Variants in SCAF8 observed in about 807,000 individuals in gnomAD.
The protein encoded by SCAF8 is SR-related CTD associated factor 8.
Under a neutral mutation model 140.5 loss-of-function variants are expected in SCAF8, and 23 were observed. The ratio of observed to expected loss-of-function variants is 0.16; its 90% CI spans 0.12 to 0.23. SCAF8 has a LOEUF of 0.23. Among genes scored for constraint, SCAF8 ranks in the 10% least tolerant of loss-of-function variants. SCAF8 has a pLI of 1.00. For missense variants in SCAF8, 1,397 were observed against 1,555.7 expected (o/e 0.90, Z 1.72); for synonymous variants, 575 against 528.9 (o/e 1.09, Z -1.20).
At chr6:154,794,286 A>AT (rs905817103) in intron 5 of SCAF8, among the ~76,000 whole-genome samples, 3 of 152,104 alleles carry the variant, frequency 2.0e-5, no homozygotes, top group African/African-American at 7.2e-5. Context: ...TGAAGATTGT[A>AT]TTTTGAATAT....
chr6:154,814,545 G>C (rs1322180807), intron 12 of SCAF8, among the ~76,000 whole-genome samples: 3 of 152,106 alleles, frequency 2.0e-5, no homozygotes, highest in Non-Finnish European at 4.4e-5. Flanking sequence ...AAAAGCCTAG[G>C]GCACTCAGTA....
At chr6:154,797,546 C>T (rs1777641862) in intron 6 of SCAF8, among the ~76,000 whole-genome samples, 1 of 151,316 alleles carries the variant, frequency 6.6e-6, no homozygotes, top group African/African-American at 2.4e-5. Flanking sequence ...TAGGCACCTG[C>T]CACCATGCCC....
In SCAF8 at chr6:154,802,034, G is replaced by T. The variant is rs1204588400; in HGVS notation, c.670G>T (p.Ala224Ser). 11 of 1,612,448 alleles carry T rather than the reference G, an allele frequency of 6.8e-6. No homozygotes were observed. Among genetic ancestry groups the T allele is most frequent in the Non-Finnish European group, 8.5e-6 (10 of 1,179,114 alleles). The part of the protein sequence containing the change: ...QQKPQPSILQ[A>S]LDAGLVVQLQ... ...GAAGCCCCAGCCTTCCATTCTGCAG[G>T]CCCTAGATGCTGGTCTTGTTGTTCA... is the stretch of plus-strand genomic sequence containing the variant. The change falls in exon 7 of 20, where the codon GCC becomes TCC. Residue 224 changes from alanine to serine, a missense_variant. Physicochemically the swap from Ala to Ser is moderately conservative, Grantham distance 99 (BLOSUM62 1). Transcript: ENST00000367178.
At chr6:154,745,347 C>T (rs1478006540) in intron 1 of SCAF8, among the ~76,000 whole-genome samples, 1 of 152,130 alleles carries the variant, frequency 6.6e-6, no homozygotes, top group Non-Finnish European at 1.5e-5. Context: ...CCACATATTC[C>T]ATTAATAGGG....
chr6:154,773,506 A>G (rs1192040552), intron 1 of SCAF8, among the ~76,000 whole-genome samples: 1 of 152,236 alleles, frequency 6.6e-6, no homozygotes, highest in Non-Finnish European at 1.5e-5. Flanking sequence ...GAATAGGGCT[A>G]CAATGACCAC....
chr6:154,792,082 A>G (rs966758609), intron 4 of SCAF8, among the ~76,000 whole-genome samples: 9 of 152,146 alleles, frequency 5.9e-5, no homozygotes, highest in African/African-American at 2.2e-4. Context: ...CATTATTCAT[A>G]CAGAGGATGA....
intron 13 of SCAF8, among the ~76,000 whole-genome samples, 181 bp downstream of exon 13, chr6:154,815,997 T>A (rs1778236837): frequency 1.3e-5 from 2 of 152,218 alleles, no homozygotes; most frequent in South Asian, 2.1e-4. Flanking sequence ...TCCTTAATTA[T>A]TTTTATTTTT....
At chr6:154,826,042 G>A (rs995541867) in intron 17 of SCAF8, among the ~76,000 whole-genome samples, 2 of 152,074 alleles carry the variant, frequency 1.3e-5, no homozygotes, top group Admixed American at 1.3e-4. Flanking sequence ...TGTAACTTAA[G>A]TTCTTAGATG....
chr6:154,808,709 A>G lies in SCAF8; in HGVS notation c.1137A>G (p.Gln379=), dbSNP rs1251910394. The change falls in exon 11 of 20, where the codon CAA becomes CAG. Residue 379 remains glutamine (Q), a synonymous_variant. Transcript: ENST00000367178. ...QQQDMDIDEG[Q]DGVEEEVFEQ... ...AGGATATGGATATAGATGAAGGGCA[A>G]GATGGAGTGGAAGAGGAGGTCTTTG... 6.2e-7 allele frequency: 1 copy of G among 1,613,072 alleles called. No homozygotes were observed. Among genetic ancestry groups the G allele is most frequent in the Admixed American group, 1.7e-5 (1 of 60,002 alleles).
chr6:154,779,044 T>G (rs936134551), intron 3 of SCAF8, among the ~76,000 whole-genome samples: 7 of 152,116 alleles, frequency 4.6e-5, no homozygotes, highest in African/African-American at 1.7e-4. Context: ...TTTTTGTTTT[T>G]GTTTTTGAGA....
chr6:154,833,926 A>G lies in SCAF8; in HGVS notation c.*531A>G, dbSNP rs1459999887. On this transcript the variant is annotated 3_prime_UTR_variant, in exon 20 of 20. Transcript: ENST00000367178. ...ACTACGGTCTCTGTTTCTCCAAAGT[A>G]AGTGTTTGTGATTTGTTCCTCATAC... 1.3e-5 allele frequency: 2 copies of G among 152,610 alleles called. No homozygotes were observed. Among genetic ancestry groups the G allele is most frequent in the African/African-American group, 4.8e-5 (2 of 41,474 alleles). The allele number at this position is 152,610 out of a possible 1,614,324, so 9.5% of individuals were successfully genotyped here.
intron 1 of SCAF8, among the ~76,000 whole-genome samples, chr6:154,742,282 A>G (rs1421852317): frequency 1.3e-5 from 2 of 152,178 alleles, no homozygotes; most frequent in African/African-American, 4.8e-5. Flanking sequence ...GTTTACTTGT[A>G]TTCTGCTCCA....
chr6:154,801,615 C>T (rs1777773524), intron 6 of SCAF8, among the ~76,000 whole-genome samples: 1 of 151,354 alleles, frequency 6.6e-6, no homozygotes, highest in Non-Finnish European at 1.5e-5. Flanking sequence ...TGAATAACAG[C>T]AAAAGCTGCT....
intron 3 of SCAF8, among the ~76,000 whole-genome samples, chr6:154,786,712 G>A (rs1159790759): frequency 6.6e-6 from 1 of 152,194 alleles, no homozygotes; most frequent in African/African-American, 2.4e-5. Context: ...TTTTTGCAAA[G>A]GCGGTTTCAA....
At chr6:154,738,624 A>G (rs927702669) in intron 1 of SCAF8, among the ~76,000 whole-genome samples, 8 of 152,254 alleles carry the variant, frequency 5.3e-5, no homozygotes, top group Non-Finnish European at 8.8e-5. Context: ...CTCAGAGGCA[A>G]TGGGTGAGCA....
intron 3 of SCAF8, among the ~76,000 whole-genome samples, chr6:154,782,609 A>G (rs541077742): frequency 3.9e-5 from 6 of 152,278 alleles, no homozygotes; most frequent in Admixed American, 3.3e-4. Flanking sequence ...GTATACATAT[A>G]TACAGGGGAG....
intron 18 of SCAF8, among the ~76,000 whole-genome samples, chr6:154,828,345 C>G (rs187163096): frequency 9.4e-4 from 143 of 152,078 alleles, no homozygotes; most frequent in African/African-American, 3.4e-3. Context: ...TCTTTAATTG[C>G]CATTTCTCAG....
chr6:154,777,667 C>T (rs1776957061), intron 2 of SCAF8, among the ~76,000 whole-genome samples: 1 of 152,132 alleles, frequency 6.6e-6, no homozygotes, highest in South Asian at 2.1e-4. Context: ...AGAATATACA[C>T]CCACCAGTAC....
intron 1 of SCAF8, among the ~76,000 whole-genome samples, chr6:154,740,625 C>CTTTTT (rs66980794): frequency 1.4e-5 from 2 of 138,524 alleles, no homozygotes; most frequent in Non-Finnish European, 3.1e-5. Flanking sequence ...TTTTCTTTTT[C>CTTTTT]TTTTTTTTTT....
Sources: allele counts gnomAD v4.1 joint callset (sites outside exome capture counted in the v4.1 genomes callset), GRCh38; gene constraint gnomAD v4.1.1; transcripts MANE v1.5; gene names NCBI Gene and HGNC (gene_info 2026-07-23, HGNC 2026-07-21).